The following ZNF69 variants were observed in gnomAD, a reference collection of about 807,000 sequenced individuals.
ZNF69 encodes the protein ZNF3.
In ZNF69, 47 loss-of-function variants were observed where a neutral mutation model predicts 50.9. That is an observed-to-expected ratio of 0.92 (90% CI 0.73 to 1.18). ZNF69 has a LOEUF of 1.18. Ranked by LOEUF, ZNF69 falls within the 50% of genes most tolerant of loss-of-function variation. The pLI, the probability that ZNF69 is intolerant of heterozygous loss-of-function variation, is 0.00. For synonymous variants in ZNF69, 216 were observed against 223.1 expected, an observed-to-expected ratio of 0.97 and a Z score of 0.29; for missense variants, 717 against 675.1, an observed-to-expected ratio of 1.06 and a Z score of -0.69.
the ZNF69 span, chr19:11,947,142 C>T: frequency 6.2e-7 from 1 of 1,605,438 alleles, no homozygotes; most frequent in Non-Finnish European, 8.5e-7. Flanking sequence ...AGTGCTGTCA[C>T]TCTCACCCAT....
chr19:11,944,054 C>T, the ZNF69 span, among the ~76,000 whole-genome samples: 1 of 151,792 alleles, frequency 6.6e-6, no homozygotes, highest in African/African-American at 2.4e-5. Context: ...ACCATGGGCA[C>T]AAGGGGGCTA....
the ZNF69 span, among the ~76,000 whole-genome samples, chr19:11,964,264 C>T: frequency 6.6e-6 from 1 of 152,198 alleles, no homozygotes; most frequent in Admixed American, 6.5e-5. Flanking sequence ...CGTGCAGACG[C>T]CTTTGTGGGG....
chr19:11,948,792 T>A, the ZNF69 span: 21 of 1,611,172 alleles, frequency 1.3e-5, no homozygotes, highest in South Asian at 2.2e-4. Flanking sequence ...AACAATGTGG[T>A]AAATCCTTTA....
chr19:11,930,947 C>T, the ZNF69 span, among the ~76,000 whole-genome samples: 1 of 145,528 alleles, frequency 6.9e-6, no homozygotes, highest in African/African-American at 2.7e-5. Context: ...TGCAGTGAGC[C>T]GAGATTGCGC....
At chr19:11,950,087 C>CCAAGATTCTTCAAATACATG in the ZNF69 span, 1 of 1,614,168 alleles carries the variant, frequency 6.2e-7, no homozygotes, top group Non-Finnish European at 8.5e-7. Context: ...TTCACATCTG[C>CCAAGATTCTTCAAATACATG]CAAGATTCTT....
chr19:11,979,472 T>C, the ZNF69 span: 2 of 1,603,570 alleles, frequency 1.2e-6, no homozygotes, highest in Non-Finnish European at 1.7e-6. Context: ...ATGTAAGACA[T>C]GTGGGAAAGG....
chr19:11,963,870 G>T, the ZNF69 span, among the ~76,000 whole-genome samples: 1 of 152,194 alleles, frequency 6.6e-6, no homozygotes, highest in African/African-American at 2.4e-5. Flanking sequence ...TGGAGTTGCT[G>T]CAGTGTCACT....
intron 4 of ZNF69, among the ~76,000 whole-genome samples, chr19:11,912,506 A>T (rs1252571847): frequency 6.6e-6 from 1 of 152,240 alleles, no homozygotes; most frequent in African/African-American, 2.4e-5. Flanking sequence ...TCATGAAAGA[A>T]TTCACACTGG....
chr19:11,920,718 T>C, the ZNF69 span, among the ~76,000 whole-genome samples: 29 of 152,208 alleles, frequency 1.9e-4, no homozygotes, highest in East Asian at 5.6e-3. Flanking sequence ...TGAAACCGCA[T>C]CTCTACCAAA....
Position 11,887,960 on chromosome 19 carries a change from C to G in ZNF69, c.37C>G (p.Pro13Ala), listed in dbSNP as rs751209722. ...TAGTCACAGGAGGTGTAGAGAGGAC[C>G]CCGGGACATCTGAAAGCCAGGAAAT... ...CCSHRRCRED[P>A]GTSESQEMDP... The change falls in exon 1 of 4, where the codon CCC becomes GCC. Residue 13 changes from proline (P) to alanine (A), a missense_variant. Coordinates refer to ENST00000429654, the MANE Select transcript of ZNF69 (RefSeq NM_001364730.1). 1 of 1,612,716 alleles carries G rather than the reference C, an allele frequency of 6.2e-7. No individual in the cohort carries two copies. The highest frequency in any genetic ancestry group is 8.5e-7 in the Non-Finnish European group (1 of 1,179,072).
the ZNF69 span, chr19:11,949,948 C>G: frequency 7.4e-6 from 12 of 1,614,120 alleles, no homozygotes; most frequent in Non-Finnish European, 1.0e-5. Context: ...TGAAAGGACT[C>G]ACACTGGAGA....
At chr19:11,956,732 T>TA in the ZNF69 span, 2 of 387,374 alleles carry the variant, frequency 5.2e-6, no homozygotes, top group Admixed American at 9.0e-5. Flanking sequence ...GGCTCAAGCC[T>TA]GTAATCTCAG....
chr19:11,901,084 T>G (rs1972234457), intron 1 of ZNF69, among the ~76,000 whole-genome samples: 1 of 152,040 alleles, frequency 6.6e-6, no homozygotes, highest in African/African-American at 2.4e-5. Context: ...ATGCCTAATT[T>G]TTTACTTTAT....
chr19:11,966,429 A>G, the ZNF69 span, among the ~76,000 whole-genome samples: 3 of 152,158 alleles, frequency 2.0e-5, no homozygotes, highest in African/African-American at 7.2e-5. Flanking sequence ...GCTGGAGTGC[A>G]ATGGCTGGAT....
the ZNF69 span, chr19:11,978,733 C>A: frequency 5.0e-6 from 8 of 1,613,988 alleles, no homozygotes; most frequent in East Asian, 2.2e-5. Context: ...AGTTCCAGTT[C>A]TTTTCAAGCA....
chr19:11,895,476 C>T (rs1977203967), intron 1 of ZNF69, among the ~76,000 whole-genome samples: 1 of 152,194 alleles, frequency 6.6e-6, no homozygotes, highest in East Asian at 1.9e-4. Flanking sequence ...GGCACTAGTT[C>T]TGTGAAGTCA....
At chr19:11,918,761 GT>G (rs1008133215), downstream of ZNF69, among the ~76,000 whole-genome samples, 35 of 148,648 alleles carry the variant, frequency 2.4e-4, no homozygotes, top group East Asian at 3.9e-4. Flanking sequence ...AGCAATTAGG[GT>G]TTTTTTTTTA....
chr19:11,941,658 G>T, the ZNF69 span, among the ~76,000 whole-genome samples: 7 of 152,118 alleles, frequency 4.6e-5, no homozygotes. Flanking sequence ...CGCAGCCCCA[G>T]TTCCCGCTCG....
rs553979059 is a variant in ZNF69 at position 11,897,639 on chromosome 19, G to A, written c.64-5934G>A. Among the ~76,000 whole-genome samples the A allele has an allele frequency of 2.3e-3, 355 of 151,078 alleles. 3 individuals are homozygous for A. The highest frequency in any genetic ancestry group is 7.6e-3 in the African/African-American group (315 of 41,252). On this transcript the variant is annotated intron_variant, in intron 1 of 3. Transcript: ENST00000429654. Reference sequence around the variant, plus strand: ...TCTAATCCCAGCACTCTGGGAGGCCGAGGCGGGTGGATCACAAGGTCAGGA... The same window carrying A: ...TCTAATCCCAGCACTCTGGGAGGCCAAGGCGGGTGGATCACAAGGTCAGGA...
Sources: gnomAD v4.1 joint callset for allele counts (sites outside exome capture counted in the v4.1 genomes callset) on GRCh38, gnomAD v4.1.1 for gene constraint, MANE v1.5 for transcripts, NCBI Gene and HGNC (gene_info 2026-07-23, HGNC 2026-07-21) for gene names.